ABCC11: variants seen among roughly 807,000 people sequenced by gnomAD.
ABCC11 encodes the protein ATP-binding cassette sub-family C member 11.
A neutral mutation model predicts 149.3 loss-of-function variants in ABCC11; 135 were observed. The observed-to-expected ratio is 0.90, with a 90% confidence interval of 0.79 to 1.04. The LOEUF is 1.04. Among genes scored for constraint, ABCC11 ranks in the 50% least tolerant of loss-of-function variants. The probability of loss-of-function intolerance (pLI) is 0.00; values close to 1 mark genes in which losing one functional copy is unlikely to be tolerated. For synonymous variants in ABCC11, 665 were observed against 671.4 expected (o/e 0.99, Z 0.15); for missense variants, 1,680 against 1,722.1 (o/e 0.98, Z 0.43).
At chr16:48,244,136 C>G (rs1971180730) in intron 1 of ABCC11, 3 of 438,562 alleles carry the variant, frequency 6.8e-6, no homozygotes, top group Non-Finnish European at 1.2e-5. Flanking sequence ...CAAATATACT[C>G]TGTAAGTGAG....
At chr16:48,179,175 C>T (rs1031334395) in intron 23 of ABCC11, among the ~76,000 whole-genome samples, 1 of 152,146 alleles carries the variant, frequency 6.6e-6, no homozygotes, top group African/African-American at 2.4e-5. Context: ...AGAACAGGGA[C>T]CCCAGTGTCA....
chr16:48,241,246 C>T (rs1407600813), intron 1 of ABCC11, among the ~76,000 whole-genome samples: 1 of 152,108 alleles, frequency 6.6e-6, no homozygotes, highest in Non-Finnish European at 1.5e-5. Context: ...CACAACATCT[C>T]TTTCATGGTA....
At chr16:48,216,310 G>A (rs28376623) in intron 6 of ABCC11, 23 bp from the exon 7 acceptor site, 154,010 of 1,605,664 alleles carry the variant, frequency 0.096, 9,033 homozygotes, top group African/African-American at 0.28. Flanking sequence ...AAGTTGATGG[G>A]CACAGATGTC....
At chr16:48,229,625 C>T (rs1487353441) in intron 3 of ABCC11, among the ~76,000 whole-genome samples, 5 of 150,550 alleles carry the variant, frequency 3.3e-5, no homozygotes, top group African/African-American at 7.4e-5. Context: ...CCACCGCACC[C>T]GGCTAATTTT....
chr16:48,205,625 C>T (rs1461281486), intron 12 of ABCC11, 88 bp from the exon 13 acceptor site: 2 of 1,533,410 alleles, frequency 1.3e-6, no homozygotes, highest in Non-Finnish European at 1.8e-6. Context: ...CAGGGCCCCA[C>T]TGCCCTCCAG....
intron 23 of ABCC11, among the ~76,000 whole-genome samples, chr16:48,182,799 A>G (rs1966527720): frequency 1.3e-5 from 2 of 151,348 alleles, no homozygotes; most frequent in Admixed American, 6.6e-5. Context: ...AAAAAAAAAA[A>G]GGAACATGTG....
At chr16:48,236,210 CCTT>C (rs1970680666) in intron 1 of ABCC11, among the ~76,000 whole-genome samples, 1 of 152,152 alleles carries the variant, frequency 6.6e-6, no homozygotes. Flanking sequence ...CAGTACCTGG[CCTT>C]CTCCTCAATT....
chr16:48,176,874 C>T (rs200025381), intron 25 of ABCC11, 50 bp downstream of exon 25: 1 of 1,584,708 alleles, frequency 6.3e-7, no homozygotes, highest in East Asian at 2.3e-5. Context: ...GTCTAGTGCC[C>T]AAAGGGCAAA....
chr16:48,222,433 C>G (rs920899548), intron 6 of ABCC11, among the ~76,000 whole-genome samples, 165 bp downstream of exon 6: 1 of 152,156 alleles, frequency 6.6e-6, no homozygotes, highest in African/African-American at 2.4e-5. Context: ...TCATGACACA[C>G]AGGCAATTGT....
chr16:48,202,775 TC>T (rs1968104384), intron 14 of ABCC11, among the ~76,000 whole-genome samples: 1 of 152,170 alleles, frequency 6.6e-6, no homozygotes, highest in Admixed American at 6.5e-5. Context: ...ACCATTAATA[TC>T]AAGAAGGCAA....
chr16:48,185,576 A>G (rs1966703628), intron 22 of ABCC11, among the ~76,000 whole-genome samples: 1 of 152,164 alleles, frequency 6.6e-6, no homozygotes, highest in Admixed American at 6.5e-5. Context: ...TGTTAGTTGC[A>G]TTTTTTCTAA....
intron 2 of ABCC11, among the ~76,000 whole-genome samples, chr16:48,231,186 G>T (rs926401514): frequency 6.6e-6 from 1 of 151,860 alleles, no homozygotes; most frequent in African/African-American, 2.4e-5. Flanking sequence ...TGGGTTTGCA[G>T]ATGCTTATTA....
chr16:48,199,063 T>C (rs1352066519), intron 15 of ABCC11, among the ~76,000 whole-genome samples: 2 of 151,034 alleles, frequency 1.3e-5, no homozygotes, highest in Non-Finnish European at 2.9e-5. Context: ...TCTATATATA[T>C]ATAAAGTTAC....
chr16:48,208,292 T>A (rs1968615322), intron 12 of ABCC11, 133 bp downstream of exon 12: 2 of 941,752 alleles, frequency 2.1e-6, no homozygotes, highest in South Asian at 3.2e-5. Context: ...CAACCATTTT[T>A]GATTTATAAA....
In ABCC11 at chr16:48,208,440, T is replaced by C. The variant is rs972645034; in HGVS notation, c.1665A>G (p.Ser555=). ...GATCACTTACCTCCTCCAGGATGGC[T>C]GACAACAGGCTGCTCTTACCACTCC... is the stretch of plus-strand genomic sequence containing the variant. ...NTGSGKSSLL[S]AILEEMHLLE... The change falls in exon 12 of 30, where the codon TCA becomes TCG. Residue 555 remains serine, a synonymous_variant. Transcript: ENST00000356608. 2 of 1,614,170 alleles carry C rather than the reference T, an allele frequency of 1.2e-6. No homozygotes were observed. The highest frequency in any genetic ancestry group is 2.2e-5 in the East Asian group (1 of 44,872).
rs183011004 is a variant in ABCC11 at position 48,194,727 on chromosome 16, T to C, written c.2405-745A>G. Among the ~76,000 whole-genome samples, 310 of 152,312 alleles carry C rather than the reference T, an allele frequency of 2.0e-3. 1 individual carries two copies. Among genetic ancestry groups the C allele is most frequent in the African/African-American group, 7.1e-3 (297 of 41,568 alleles). On this transcript the variant is annotated intron_variant, in intron 18 of 29. Transcript: ENST00000356608. The stretch of plus-strand genomic sequence containing the variant: ...ATACAACATTTATCCCCTCCAGGGA[T>C]GGAGGACACAGCGTTCAAGGCGCCA...
intron 17 of ABCC11, among the ~76,000 whole-genome samples, chr16:48,197,675 T>G (rs1457482002): frequency 2.6e-5 from 4 of 152,160 alleles, no homozygotes; most frequent in Non-Finnish European, 5.9e-5. Context: ...AGATGCCTGG[T>G]CAAGTCTTAA....
chr16:48,200,597 A>G, intron 14 of ABCC11, 118 bp from the exon 15 acceptor site: 1 of 975,874 alleles, frequency 1.0e-6, no homozygotes, highest in Non-Finnish European at 1.5e-6. Context: ...ATATGCACAC[A>G]CTCCAGGATA....
intron 29 of ABCC11, 49 bp from the exon 30 acceptor site, chr16:48,167,415 G>C (rs375177108): frequency 1.3e-6 from 2 of 1,580,486 alleles, no homozygotes; most frequent in African/African-American, 1.3e-5. Flanking sequence ...AGCTGAGCTT[G>C]TGTCCTTGGA....
Sources: gnomAD v4.1 joint callset for allele counts (sites outside exome capture counted in the v4.1 genomes callset) on GRCh38, gnomAD v4.1.1 for gene constraint, MANE v1.5 for transcripts, NCBI Gene and HGNC (gene_info 2026-07-23, HGNC 2026-07-21) for gene names.